MDN1: variants seen among roughly 807,000 people sequenced by gnomAD.
The protein encoded by MDN1 is midasin.
A neutral mutation model predicts 669.2 loss-of-function variants in MDN1; 266 were observed. The observed-to-expected ratio is 0.40, with a 90% CI of 0.36 to 0.44. The LOEUF is 0.44. Among genes scored for constraint, MDN1 ranks in the 20% least tolerant of loss-of-function variants. MDN1 has a pLI of 1.00. For synonymous variants in MDN1, 2,385 were observed against 2,457.1 expected, an observed-to-expected ratio of 0.97 and a Z score of 0.87; for missense variants, 5,940 against 6,754.0, an observed-to-expected ratio of 0.88 and a Z score of 4.22.
chr6:89,702,975 G>T (rs1465157380), intron 53 of MDN1, among the ~76,000 whole-genome samples: 3 of 147,958 alleles, frequency 2.0e-5, no homozygotes, highest in Admixed American at 1.4e-4. Context: ...TTGCTCCATC[G>T]CCAAGGCTAG....
chr6:89,795,479 G>A (rs1313375860), intron 2 of MDN1, among the ~76,000 whole-genome samples: 3 of 151,970 alleles, frequency 2.0e-5, no homozygotes, highest in Admixed American at 6.6e-5. Context: ...GGAGCCTGAA[G>A]CCTATTCAGG....
At chr6:89,717,852 C>T (rs535192581) in intron 43 of MDN1, among the ~76,000 whole-genome samples, 136 of 152,300 alleles carry the variant, frequency 8.9e-4, no homozygotes, top group African/African-American at 3.2e-3. Flanking sequence ...TAGTGACAGA[C>T]CCAGCCTGTG....
chr6:89,682,552 C>T (rs1811691204), intron 73 of MDN1, among the ~76,000 whole-genome samples: 2 of 151,506 alleles, frequency 1.3e-5, no homozygotes, highest in Non-Finnish European at 2.9e-5. Flanking sequence ...ACTAAAAATA[C>T]AAAAAATTAG....
intron 2 of MDN1, among the ~76,000 whole-genome samples, chr6:89,798,042 C>A (rs971431099): frequency 6.6e-6 from 1 of 151,816 alleles, no homozygotes; most frequent in African/African-American, 2.4e-5. Context: ...ATTAGCCAGG[C>A]GTGGTGGCAG....
rs776047398 is a variant in MDN1 at position 89,694,202 on chromosome 6, G to T, written c.9772-19C>A. The T allele has an allele frequency of 6.9e-6, 11 of 1,591,748 alleles. No homozygotes were observed. Among genetic ancestry groups the T allele is most frequent in the Non-Finnish European group, 4.3e-6 (5 of 1,159,698 alleles). Reference sequence around the variant, plus strand: ...GGTGTAACTAATGGAAAAGAGAGAAGTTAGTCCACTGTGTCCCAGCTATGA... The same window carrying T: ...GGTGTAACTAATGGAAAAGAGAGAATTTAGTCCACTGTGTCCCAGCTATGA... On this transcript the variant is annotated intron_variant, in intron 61 of 101. Transcript: ENST00000369393.
At chr6:89,697,130 T>C (rs1812811867) in intron 59 of MDN1, among the ~76,000 whole-genome samples, 1 of 152,154 alleles carries the variant, frequency 6.6e-6, no homozygotes, top group South Asian at 2.1e-4. Context: ...TGCAAAAGAA[T>C]GGAATAGAGT....
chr6:89,712,835 A>G, intron 47 of MDN1, 49 bp from the exon 48 acceptor site: 1 of 1,550,638 alleles, frequency 6.4e-7, no homozygotes, highest in Non-Finnish European at 8.9e-7. Flanking sequence ...TAAAAGTGAT[A>G]TTCCCCAAAA....
chr6:89,705,941 G>A, intron 53 of MDN1, 118 bp downstream of exon 53: 3 of 868,430 alleles, frequency 3.5e-6, no homozygotes, highest in Non-Finnish European at 5.1e-6. Flanking sequence ...TTAAGAATAA[G>A]TTTCTTAAAT....
chr6:89,770,746 A>G (rs1360149465), intron 15 of MDN1, among the ~76,000 whole-genome samples: 4 of 152,068 alleles, frequency 2.6e-5, no homozygotes, highest in Non-Finnish European at 5.9e-5. Context: ...CAAGTGATTC[A>G]CCCATCTAGG....
chr6:89,809,434 C>G (rs949446666), intron 1 of MDN1, among the ~76,000 whole-genome samples: 5 of 151,964 alleles, frequency 3.3e-5, no homozygotes, highest in African/African-American at 1.2e-4. Flanking sequence ...AGTTTGAGAC[C>G]AGCCTGGGCA....
chr6:89,689,181 T>C (rs1354948112), intron 65 of MDN1, among the ~76,000 whole-genome samples: 2 of 152,162 alleles, frequency 1.3e-5, no homozygotes, highest in African/African-American at 2.4e-5. Flanking sequence ...AATGAACTAA[T>C]TGGGACTAAT....
At chr6:89,737,651 TTTAA>T (rs1396915782) in intron 33 of MDN1, among the ~76,000 whole-genome samples, 2 of 152,000 alleles carry the variant, frequency 1.3e-5, no homozygotes, top group Non-Finnish European at 2.9e-5. Flanking sequence ...ATAAAAATTA[TTTAA>T]TTAATTAATT....
chr6:89,729,677 G>GTTTTTT (rs35914010), intron 35 of MDN1, among the ~76,000 whole-genome samples: 247 of 100,758 alleles, frequency 2.5e-3, no homozygotes, highest in Non-Finnish European at 2.7e-3. Context: ...TTTTGTTTTC[G>GTTTTTT]TTTTTTTTTT....
intron 83 of MDN1, among the ~76,000 whole-genome samples, chr6:89,670,139 CATATATATATATATATAT>C (rs1168606501): frequency 2.0e-5 from 1 of 49,012 alleles, no homozygotes; most frequent in African/African-American, 1.3e-4. Context: ...TCCAAAAAAA[CATATATATATATATATAT>C]ATATATATAT....
At chr6:89,656,610 CTTTTT>C in intron 91 of MDN1, 85 bp downstream of exon 91, 8 of 734,000 alleles carry the variant, frequency 1.1e-5, no homozygotes, top group African/African-American at 1.9e-5. Context: ...AGGAGTATAG[CTTTTT>C]TTTTTTTTTT....
chr6:89,796,198 C>A (rs1819581208), intron 2 of MDN1, among the ~76,000 whole-genome samples: 2 of 151,266 alleles, frequency 1.3e-5, no homozygotes, highest in African/African-American at 4.9e-5. Context: ...GTGGTGCATG[C>A]CTGTAATCCC....
Position 89,656,783 on chromosome 6 carries a change from C to T in MDN1, c.15202G>A (p.Ala5068Thr), listed in dbSNP as rs202071261. Residue 5068 changes from alanine to threonine, a missense_variant, in exon 91 of 102, where the codon GCA (alanine) becomes ACA (threonine). Ala to Thr is a moderately conservative substitution (Grantham distance 58). Around this residue, in one of 5 missense-constraint regions of MDN1, gnomAD observed 2,280 missense variants for 2,576.3 expected, o/e 0.88. Transcript: ENST00000369393. The stretch of plus-strand genomic sequence containing the variant: ...TGGCCTTCTGCCTGGTTTGCATCTG[C>T]AGCTCCACTTCCGTGTTCCTAGGAA... ...QGKEEHGSGA[A>T]DANQAEGHES... 1.2e-6 allele frequency: 2 copies of T among 1,613,468 alleles called. No individual in the cohort carries two copies. The highest frequency in any genetic ancestry group is 1.7e-6 in the Non-Finnish European group (2 of 1,179,674).
In MDN1 at chr6:89,752,015, G is replaced by A. The variant is rs572375290; in HGVS notation, c.3076-433C>T. On this transcript the variant is annotated intron_variant, in intron 22 of 101. Transcript: ENST00000369393. ...CATTAAAAGTAAACCTGACTTTTCAGAGCAACTAGCCCATTAAGGATAATA... is the reference window on the plus strand; with the variant it reads ...CATTAAAAGTAAACCTGACTTTTCAAAGCAACTAGCCCATTAAGGATAATA... 2.0e-5 allele frequency among the ~76,000 whole-genome samples: 3 copies of A among 152,314 alleles called. No homozygotes were observed. The East Asian group carries it at 5.8e-4, about 29-fold the overall frequency.
chr6:89,819,655 G>A lies in MDN1; in HGVS notation c.-48C>T, dbSNP rs760351627. ...CGGCCACCTGCGCTCCCTACTTCGCGGCCAGCGTCCCCAAGCCGCCGAGGT... is the reference window on the plus strand; with the variant it reads ...CGGCCACCTGCGCTCCCTACTTCGCAGCCAGCGTCCCCAAGCCGCCGAGGT... On this transcript the variant is annotated 5_prime_UTR_variant, in exon 1 of 102. Transcript: ENST00000369393. 5.4e-5 allele frequency: 83 copies of A among 1,535,546 alleles called. 1 individual carries two copies. Among genetic ancestry groups the A allele is most frequent in the Non-Finnish European group, 6.9e-5 (78 of 1,122,988 alleles).
Sources: gnomAD v4.1 joint callset for allele counts (sites outside exome capture counted in the v4.1 genomes callset) on GRCh38, gnomAD v4.1.1 for gene constraint, gnomAD v4.1.1 regional missense constraint, MANE v1.5 for transcripts, NCBI Gene and HGNC (gene_info 2026-07-23, HGNC 2026-07-21) for gene names.